FGGY: variants seen among roughly 807,000 people sequenced by gnomAD.
FGGY encodes the protein FGGY carbohydrate kinase domain containing.
In FGGY, 72 loss-of-function variants were observed where a neutral mutation model predicts 71.3. That is an observed-to-expected ratio of 1.01 (90% CI 0.84 to 1.23). The LOEUF (loss-of-function observed/expected upper bound fraction) is 1.23. Among genes scored for constraint, FGGY ranks in the 50% most tolerant of loss-of-function variants. The probability of loss-of-function intolerance (pLI) is 0.00; values close to 1 mark genes in which losing one functional copy is unlikely to be tolerated. For synonymous variants in FGGY, 251 were observed against 250.3 expected, an observed-to-expected ratio of 1.00 and a Z score of -0.02; for missense variants, 668 against 682.3, an observed-to-expected ratio of 0.98 and a Z score of 0.23.
rs371579486 is a variant in FGGY, at chr1:59,535,902, G to A, written c.800-18222G>A. ...GCAGGAAAGATCCAAAATTGACACCGTAACATCACAATTAAAAGAACTAGA... is the reference window on the plus strand; with the variant it reads ...GCAGGAAAGATCCAAAATTGACACCATAACATCACAATTAAAAGAACTAGA... On this transcript the variant is annotated intron_variant, in intron 7 of 15. Coordinates refer to ENST00000303721, the MANE Select transcript of FGGY (RefSeq NM_018291.5). Among the ~76,000 whole-genome samples the A allele has an allele frequency of 1.4e-4, 19 of 139,954 alleles. No individual in the cohort carries two copies. The East Asian group carries it at 2.0e-3, about 15-fold the overall frequency. The allele number at this position is 139,954 out of a possible 152,430, so 91.8% of individuals were successfully genotyped here.
chr1:59,297,270 T>C (rs751221694), intron 1 of FGGY, 120 bp downstream of exon 1: 54 of 152,430 alleles, frequency 3.5e-4, no homozygotes, highest in Non-Finnish European at 6.5e-4. Context: ...TGCCCACTTA[T>C]CTGTATTCAG....
At chr1:59,723,569 G>T (rs957462410) in intron 14 of FGGY, among the ~76,000 whole-genome samples, 2 of 149,174 alleles carry the variant, frequency 1.3e-5, no homozygotes, top group South Asian at 2.1e-4. Context: ...TTTTTGGGGG[G>T]GGGTGGTTGG....
At chr1:59,697,705 G>C (rs2154012686) in intron 14 of FGGY, 1 of 1,303,080 alleles carries the variant, frequency 7.7e-7, no homozygotes, top group African/African-American at 1.5e-5. Context: ...CAGTATTTGA[G>C]AAGAAATCAG....
intron 14 of FGGY, among the ~76,000 whole-genome samples, chr1:59,697,966 T>G (rs1218956713): frequency 6.6e-6 from 1 of 152,228 alleles, no homozygotes; most frequent in African/African-American, 2.4e-5. Context: ...TGAGCCTCAG[T>G]TCTGTAATCT....
chr1:59,544,743 C>G (rs922717048), intron 7 of FGGY, among the ~76,000 whole-genome samples: 1 of 152,164 alleles, frequency 6.6e-6, no homozygotes, highest in African/African-American at 2.4e-5. Flanking sequence ...GAAGTTTGCA[C>G]AGGAAACTGG....
intron 15 of FGGY, among the ~76,000 whole-genome samples, chr1:59,760,928 A>T (rs1334276193): frequency 6.6e-6 from 1 of 152,226 alleles, no homozygotes; most frequent in Admixed American, 6.5e-5. Flanking sequence ...TTGTTCCTAA[A>T]ATAATTCTAC....
In FGGY at chr1:59,673,945, G is replaced by A. The variant is rs2097407022; in HGVS notation, c.1418-94G>A. 1.2e-5 allele frequency: 12 copies of A among 970,304 alleles called. No individual in the cohort carries two copies. The South Asian group carries it at 1.3e-4, about 10-fold the overall frequency. 60.1% of individuals were successfully genotyped at this position (970,304 alleles called of 1,614,324 possible). A position where few individuals can be genotyped will look rare whatever the true frequency, so the allele number is the denominator to read the frequency against. On this transcript the variant is annotated intron_variant, in intron 13 of 15. Transcript: ENST00000303721. ...CGGGCGGGGGGCCTGCTGCTGCCCTGATGTCAGGTGTTTTTGCCACTGCGG... is the reference window on the plus strand; with the variant it reads ...CGGGCGGGGGGCCTGCTGCTGCCCTAATGTCAGGTGTTTTTGCCACTGCGG...
chr1:59,375,672 T>C (rs1288210855), intron 4 of FGGY, among the ~76,000 whole-genome samples: 2 of 152,148 alleles, frequency 1.3e-5, no homozygotes, highest in East Asian at 3.9e-4. Context: ...CCAGCTTTGA[T>C]TGGTGACGGT....
At chr1:59,547,301 C>T (rs2095541725) in intron 7 of FGGY, among the ~76,000 whole-genome samples, 1 of 152,050 alleles carries the variant, frequency 6.6e-6, no homozygotes, top group African/African-American at 2.4e-5. Context: ...GAGGTTAACC[C>T]TTTGGGTTTG....
At chr1:59,517,235 CCTTCT>C (rs1165677598) in intron 7 of FGGY, among the ~76,000 whole-genome samples, 1 of 150,736 alleles carries the variant, frequency 6.6e-6, no homozygotes. Context: ...TGTCTCAGGC[CCTTCT>C]CTTCTCAGTT....
intron 4 of FGGY, among the ~76,000 whole-genome samples, chr1:59,364,254 G>A (rs994640862): frequency 6.6e-6 from 1 of 152,130 alleles, no homozygotes; most frequent in Non-Finnish European, 1.5e-5. Context: ...GGGAGTCCAA[G>A]CCAGGAAGTG....
At chr1:59,469,187 A>G (rs2092810077) in intron 6 of FGGY, among the ~76,000 whole-genome samples, 1 of 152,240 alleles carries the variant, frequency 6.6e-6, no homozygotes, top group Admixed American at 6.5e-5. Context: ...CACAGGCCTG[A>G]GTACAGGTGG....
intron 5 of FGGY, among the ~76,000 whole-genome samples, chr1:59,436,138 A>G (rs75802411): frequency 0.037 from 5,640 of 152,164 alleles, 152 homozygotes; most frequent in Admixed American, 0.069. Flanking sequence ...TGGCCCCTGT[A>G]GCACTTCTAG....
chr1:59,613,248 G>A (rs958613454), intron 9 of FGGY, among the ~76,000 whole-genome samples: 21 of 152,202 alleles, frequency 1.4e-4, no homozygotes, highest in Non-Finnish European at 2.8e-4. Context: ...ATAGTTGGAA[G>A]TAAAGACGTC....
intron 15 of FGGY, among the ~76,000 whole-genome samples, chr1:59,760,288 A>G (rs970682034): frequency 1.3e-5 from 2 of 152,228 alleles, no homozygotes; most frequent in Admixed American, 6.5e-5. Flanking sequence ...TTAAAACAGA[A>G]AACAACAAAT....
chr1:59,346,345 G>A lies in FGGY; in HGVS notation c.412G>A (p.Gly138Arg), dbSNP rs1363111885. Residue 138 changes from glycine to arginine, a missense_variant, in exon 4 of 16, where the codon GGG (glycine) becomes AGG (arginine). Physicochemically the swap from Gly to Arg is moderately radical, Grantham distance 125 (BLOSUM62 -2). Transcript: ENST00000303721. ...ETKHSVLQYV[G>R]GVMSVEMQAP... ...CAAGCACAGTGTCCTCCAGTACGTCGGGGGGGTGATGTCTGTGGAAATGCA... is the reference window on the plus strand; with the variant it reads ...CAAGCACAGTGTCCTCCAGTACGTCAGGGGGGTGATGTCTGTGGAAATGCA... 1.4e-5 allele frequency: 23 copies of A among 1,609,992 alleles called. No homozygotes were observed. The highest frequency in any genetic ancestry group is 1.9e-5 in the Non-Finnish European group (22 of 1,178,370).
chr1:59,671,858 C>T (rs959490635), intron 13 of FGGY, among the ~76,000 whole-genome samples: 4 of 152,116 alleles, frequency 2.6e-5, no homozygotes, highest in Non-Finnish European at 5.9e-5. Flanking sequence ...GATTCAAACC[C>T]TGGCAGTCTG....
intron 7 of FGGY, among the ~76,000 whole-genome samples, chr1:59,524,934 T>C (rs1028770884): frequency 7.9e-5 from 12 of 152,228 alleles, no homozygotes; most frequent in African/African-American, 2.9e-4. Flanking sequence ...CACTCGCTAC[T>C]TTGTGGGCAA....
chr1:59,658,599 C>T (rs757412611), intron 11 of FGGY, among the ~76,000 whole-genome samples: 4 of 152,110 alleles, frequency 2.6e-5, no homozygotes, highest in African/African-American at 7.2e-5. Context: ...GAAGCAAGGG[C>T]GAGCCCAGGA....
Sources: gnomAD v4.1 joint callset for allele counts (sites outside exome capture counted in the v4.1 genomes callset) on GRCh38, gnomAD v4.1.1 for gene constraint, MANE v1.5 for transcripts, NCBI Gene and HGNC (gene_info 2026-07-23, HGNC 2026-07-21) for gene names.